The following TMPO variants were observed in gnomAD, a reference collection of about 807,000 sequenced individuals.
TMPO encodes thymopoietin, also known as LEM domain containing 4.
Under a neutral mutation model 45.4 loss-of-function variants are expected in TMPO, and 22 were observed. The ratio of observed to expected loss-of-function variants is 0.48; its 90% CI spans 0.35 to 0.69. The LOEUF is 0.69. Among genes scored for constraint, TMPO ranks in the 30% least tolerant of loss-of-function variants. The pLI, the probability that TMPO is intolerant of heterozygous loss-of-function variation, is 0.01. For synonymous variants in TMPO, 241 were observed against 204.1 expected (o/e 1.18, Z -1.54); for missense variants, 512 against 548.8 (o/e 0.93, Z 0.67).
Position 98,527,992 on chromosome 12 carries a change from T to G in TMPO, c.386T>G (p.Val129Gly), listed in dbSNP as rs533418524. Residue 129 changes from valine to glycine, a missense_variant, in exon 2 of 9, where the codon GTG becomes GGG. Around this residue, in one of 3 missense-constraint regions of TMPO, gnomAD observed 299 missense variants for 296.7 expected, o/e 1.01. Transcript: ENST00000556029. The stretch of plus-strand genomic sequence containing the variant: ...TTGGATCAGCTTGTGAAATACGGAG[T>G]GAATCCTGGTCCTATTGTGGGTAAG... ...DLLDQLVKYGVNPGPIVGTTR... is the reference protein window; with the variant it reads ...DLLDQLVKYGGNPGPIVGTTR... 3 of 1,613,876 alleles carry G rather than the reference T, an allele frequency of 1.9e-6. No individual in the cohort carries two copies. In the East Asian group the frequency reaches 6.7e-5, roughly 36 times the overall value.
At chr12:98,544,880 C>T in intron 6 of TMPO, 71 bp from the exon 7 acceptor site, 2 of 1,222,164 alleles carry the variant, frequency 1.6e-6, no homozygotes, top group South Asian at 2.4e-5. Context: ...GATAAAATAT[C>T]TTTCTTTTCT....
At chr12:98,535,538 T>C in intron 3 of TMPO, 1 of 985,384 alleles carries the variant, frequency 1.0e-6, no homozygotes, top group Non-Finnish European at 1.2e-6. Context: ...GAAATGTACA[T>C]GTATACATGT....
At chr12:98,537,401 C>A (rs894159211) in intron 3 of TMPO, 74 bp from the exon 4 acceptor site, 1 of 1,282,994 alleles carries the variant, frequency 7.8e-7, no homozygotes, top group South Asian at 1.3e-5. Flanking sequence ...CCAGGGTTCC[C>A]GATTAATATT....
chr12:98,521,973 G>GC (rs1321777469), intron 1 of TMPO, among the ~76,000 whole-genome samples: 2 of 151,876 alleles, frequency 1.3e-5, no homozygotes. Flanking sequence ...TTTGTGATCT[G>GC]CCCCCCTTAG....
chr12:98,516,257 C>T (rs1780444938), intron 1 of TMPO, 111 bp downstream of exon 1: 9 of 1,271,592 alleles, frequency 7.1e-6, no homozygotes, highest in East Asian at 3.3e-5. Flanking sequence ...CTCCCAGGTG[C>T]GGGGCTGTCC....
rs1029685131 is a variant in TMPO at position 98,527,806 on chromosome 12, A to G, written c.280-80A>G. ...TAAACCAATTTGGTAGTGAGTTTGC[A>G]TGTTTATGTTATACAGGTTATTATC... On this transcript the variant is annotated intron_variant, in intron 1 of 8. Transcript: ENST00000556029. 3.0e-5 allele frequency: 47 copies of G among 1,545,854 alleles called. No individual in the cohort carries two copies. The African/African-American group carries it at 4.6e-4, about 15-fold the overall frequency.
intron 4 of TMPO, among the ~76,000 whole-genome samples, chr12:98,542,888 C>T (rs1391478803): frequency 6.6e-6 from 1 of 152,068 alleles, no homozygotes; most frequent in Non-Finnish European, 1.5e-5. Context: ...AATTAAAAAG[C>T]AGTTACTCTG....
chr12:98,531,558 TA>T, intron 2 of TMPO, 121 bp from the exon 3 acceptor site: 1 of 1,077,256 alleles, frequency 9.3e-7, no homozygotes, highest in Non-Finnish European at 1.4e-6. Context: ...TTTTTTTTTT[TA>T]AGAACTTGAG....
At chr12:98,517,691 C>T (rs911913507) in intron 1 of TMPO, among the ~76,000 whole-genome samples, 2 of 152,160 alleles carry the variant, frequency 1.3e-5, no homozygotes, top group African/African-American at 2.4e-5. Context: ...CATAGTAGTG[C>T]CAAATATTTG....
At position 98,545,342 on chromosome 12, in the gene TMPO, T is replaced by C. The variant is rs2068060; in HGVS notation, c.990+281T>C. 0.093 allele frequency among the ~76,000 whole-genome samples: 14,211 copies of C among 152,218 alleles called. 916 individuals are homozygous for C. The highest frequency in any genetic ancestry group is 0.15 in the Non-Finnish European group (10,001 of 67,994). On this transcript the variant is annotated intron_variant, in intron 7 of 8. Transcript: ENST00000556029. ...GGTCATTTCTGTTCTGCTTATAATA[T>C]GTTCTGTTTGTCATGGATGCAAGTT...
rs1301219802 is a variant in TMPO, at chr12:98,515,617, A to G, written c.-251A>G. ...AGCAGGCTGCTCGCCTCCTGCCTGTAGTGTGTGGGCTGGGGTTGGTGCGAG... is the reference window on the plus strand; with the variant it reads ...AGCAGGCTGCTCGCCTCCTGCCTGTGGTGTGTGGGCTGGGGTTGGTGCGAG... On this transcript the variant is annotated 5_prime_UTR_variant, in exon 1 of 9. Coordinates refer to ENST00000556029, the MANE Select transcript of TMPO (RefSeq NM_001032283.3). 15 of 634,918 alleles carry G rather than the reference A, an allele frequency of 2.4e-5. No homozygotes were observed. The highest frequency in any genetic ancestry group is 2.4e-5 in the Non-Finnish European group (9 of 376,774). The allele number at this position is 634,918 out of a possible 1,614,324, so 39.3% of individuals were successfully genotyped here. A position where few individuals can be genotyped will look rare whatever the true frequency, so the allele number is the denominator to read the frequency against.
Position 98,527,902 on chromosome 12 carries a change from C to T in TMPO, c.296C>T (p.Thr99Ile). The T allele has an allele frequency of 6.2e-7, 1 of 1,613,664 alleles. No individual in the cohort carries two copies. ...TGTTTACAGAAAGCCACAAAAAAAACTGATAAACCCAGACAAGAAGATAAA... is the reference window on the plus strand; with the variant it reads ...TGTTTACAGAAAGCCACAAAAAAAATTGATAAACCCAGACAAGAAGATAAA... ...AAVGRKATKK[T>I]DKPRQEDKDD... is the part of the protein sequence containing the mutation. Residue 99 changes from threonine (T) to isoleucine (I), a missense_variant, in exon 2 of 9, where the codon ACT (threonine) becomes ATT (isoleucine). By Grantham distance (89) the Thr-to-Ile change is moderately conservative. This residue lies in a region of TMPO where 299 missense variants were observed against 296.7 expected (regional missense o/e 1.01). Transcript: ENST00000556029.
chr12:98,531,317 A>G (rs1877176316), intron 2 of TMPO, among the ~76,000 whole-genome samples: 1 of 145,154 alleles, frequency 6.9e-6, no homozygotes, highest in South Asian at 2.2e-4. Flanking sequence ...GCTCACTGCA[A>G]CCTCTGCCTT....
intron 1 of TMPO, among the ~76,000 whole-genome samples, chr12:98,519,023 A>G (rs1876121050): frequency 6.6e-6 from 1 of 151,826 alleles, no homozygotes; most frequent in Non-Finnish European, 1.5e-5. Context: ...CTGGGACTAC[A>G]GGCGCCCGCC....
In TMPO at chr12:98,550,061, G is replaced by T. The variant is rs1303470051; in HGVS notation, c.*2203G>T. The T allele has an allele frequency of 2.6e-5, 4 of 152,210 alleles. No homozygotes were observed. The highest frequency in any genetic ancestry group is 7.2e-5 in the African/African-American group (3 of 41,468). The allele number at this position is 152,210 out of a possible 1,614,324, so 9.4% of individuals were successfully genotyped here. On this transcript the variant is annotated 3_prime_UTR_variant, in exon 9 of 9. Transcript: ENST00000556029. ...GAAGCTTCATTTAGTGTTTAAAAAT[G>T]TGGGGAGATAAATCAGACTTAACAT...
In TMPO at chr12:98,537,947, A is replaced by AT. The variant is rs553474510; in HGVS notation, c.663+379dup. ...CTTTGTCTCTAGATTTCTGACTTTG[A>AT]TTTTATGTTTGCCTGTCTTGTCTTC... On this transcript the variant is annotated intron_variant, in intron 4 of 8. Coordinates refer to ENST00000556029, the MANE Select transcript of TMPO (RefSeq NM_001032283.3). Among the ~76,000 whole-genome samples, 349 of 152,272 alleles carry AT rather than the reference A, an allele frequency of 2.3e-3. 4 individuals carry two copies. Among genetic ancestry groups the AT allele is most frequent in the African/African-American group, 8.1e-3 (335 of 41,548 alleles).
chr12:98,533,263 G>A (rs760942961), intron 3 of TMPO: 1 of 1,613,866 alleles, frequency 6.2e-7, no homozygotes, highest in South Asian at 1.1e-5. Context: ...AGAGAAAAGT[G>A]GAATTCAACC....
chr12:98,534,979 A>C (rs1356729536), intron 3 of TMPO: 1 of 872,326 alleles, frequency 1.1e-6, no homozygotes, highest in Non-Finnish European at 1.4e-6. Flanking sequence ...TAGGTCAATG[A>C]CAGGATTTGA....
At chr12:98,534,394 A>T (rs1156321539) in intron 3 of TMPO, 1 of 1,603,692 alleles carries the variant, frequency 6.2e-7, no homozygotes, top group Non-Finnish European at 8.5e-7. Context: ...ACTTTATGCC[A>T]ACATTTTCTT....
Sources: gnomAD v4.1 joint callset for allele counts (sites outside exome capture counted in the v4.1 genomes callset) on GRCh38, gnomAD v4.1.1 for gene constraint, gnomAD v4.1.1 regional missense constraint, MANE v1.5 for transcripts, NCBI Gene and HGNC (gene_info 2026-07-23, HGNC 2026-07-21) for gene names.